The following CHCHD6 variants were observed in gnomAD, a reference collection of about 807,000 sequenced individuals.
CHCHD6 encodes coiled-coil-helix-coiled-coil-helix domain containing 6.
A neutral mutation model predicts 32.3 loss-of-function variants in CHCHD6; 28 were observed. The ratio of observed to expected loss-of-function variants is 0.87; its 90% CI spans 0.64 to 1.19. The LOEUF (loss-of-function observed/expected upper bound fraction) is 1.19. Ranked by LOEUF, CHCHD6 falls within the 50% of genes most tolerant of loss-of-function variation. The pLI is 0.00. For synonymous variants in CHCHD6, 122 were observed against 117.5 expected (o/e 1.04, Z -0.25); for missense variants, 333 against 307.0 (o/e 1.08, Z -0.63).
At chr3:126,804,329 GAA>G (rs1176967137) in intron 4 of CHCHD6, among the ~76,000 whole-genome samples, 1 of 150,826 alleles carries the variant, frequency 6.6e-6, no homozygotes, top group Non-Finnish European at 1.5e-5. Context: ...GACTAATAAA[GAA>G]AAAAAGAGAG....
chr3:126,821,075 C>T (rs906241835), intron 4 of CHCHD6, among the ~76,000 whole-genome samples: 9 of 152,150 alleles, frequency 5.9e-5, no homozygotes, highest in Admixed American at 2.0e-4. Context: ...TAAGGCCATA[C>T]AATATGTGGC....
chr3:126,837,255 C>A (rs1940897438), intron 4 of CHCHD6, among the ~76,000 whole-genome samples: 1 of 152,178 alleles, frequency 6.6e-6, no homozygotes, highest in African/African-American at 2.4e-5. Context: ...CTCTGTGCCT[C>A]ATTTTTCTTG....
intron 1 of CHCHD6, among the ~76,000 whole-genome samples, chr3:126,704,727 C>T (rs1021602924): frequency 2.0e-5 from 3 of 152,300 alleles, no homozygotes; most frequent in Middle Eastern, 3.4e-3. Flanking sequence ...CCTCCCAGCC[C>T]GTGGCCCCTC....
chr3:126,704,254 C>T lies in CHCHD6; in HGVS notation c.-59C>T. 7.1e-7 allele frequency: 1 copy of T among 1,406,932 alleles called. No homozygotes were observed. Among genetic ancestry groups the T allele is most frequent in the Non-Finnish European group, 9.9e-7 (1 of 1,006,878 alleles). 87.2% of individuals were successfully genotyped at this position (1,406,932 alleles called of 1,614,324 possible). ...GCGAGTCCTGGAAAGCGTTGTTGGC[C>T]CGGTTGCTCTGGAGCCGGGTCTCGG... is the stretch of plus-strand genomic sequence containing the variant. On this transcript the variant is annotated 5_prime_UTR_variant, in exon 1 of 8. Coordinates refer to ENST00000290913, the MANE Select transcript of CHCHD6 (RefSeq NM_032343.3).
chr3:126,806,948 A>T (rs1458917485), intron 4 of CHCHD6, among the ~76,000 whole-genome samples: 1 of 150,878 alleles, frequency 6.6e-6, no homozygotes, highest in Non-Finnish European at 1.5e-5. Flanking sequence ...TATCGCAAGG[A>T]CAAAAAACGA....
chr3:126,790,594 C>T (rs1373638599), intron 4 of CHCHD6, among the ~76,000 whole-genome samples: 2 of 152,156 alleles, frequency 1.3e-5, no homozygotes, highest in Non-Finnish European at 2.9e-5. Flanking sequence ...CATTGATACC[C>T]TTTCTTCCAG....
chr3:126,951,789 G>A (rs1177611990), intron 6 of CHCHD6, among the ~76,000 whole-genome samples: 3 of 152,222 alleles, frequency 2.0e-5, no homozygotes, highest in Non-Finnish European at 4.4e-5. Context: ...CTGCGACAAT[G>A]GCAGGGTGAC....
intron 6 of CHCHD6, among the ~76,000 whole-genome samples, chr3:126,937,525 G>C (rs777775752): frequency 6.6e-6 from 1 of 152,238 alleles, no homozygotes; most frequent in African/African-American, 2.4e-5. Flanking sequence ...AGTCTGATGG[G>C]TGACCTGGGC....
At chr3:126,825,411 T>TGGTTGTA (rs1940346321) in intron 4 of CHCHD6, among the ~76,000 whole-genome samples, 1 of 152,236 alleles carries the variant, frequency 6.6e-6, no homozygotes, top group Admixed American at 6.5e-5. Flanking sequence ...GTTGTAGTGT[T>TGGTTGTA]CTGTATATGT....
intron 4 of CHCHD6, among the ~76,000 whole-genome samples, chr3:126,761,425 A>G (rs1460855381): frequency 6.6e-6 from 1 of 152,144 alleles, no homozygotes; most frequent in African/African-American, 2.4e-5. Flanking sequence ...GTATAACTTC[A>G]TTTTAACTAA....
At chr3:126,866,727 A>C (rs1008171644) in intron 5 of CHCHD6, among the ~76,000 whole-genome samples, 1 of 152,184 alleles carries the variant, frequency 6.6e-6, no homozygotes, top group Non-Finnish European at 1.5e-5. Flanking sequence ...CCCAGACTTA[A>C]TGATTTTGTC....
At chr3:126,929,093 C>T (rs2078365709) in intron 6 of CHCHD6, among the ~76,000 whole-genome samples, 1 of 152,218 alleles carries the variant, frequency 6.6e-6, no homozygotes, top group South Asian at 2.1e-4. Context: ...AGTACCTGTG[C>T]ATGCAGCTGG....
At chr3:126,925,321 C>G (rs2078307234) in intron 6 of CHCHD6, among the ~76,000 whole-genome samples, 1 of 152,116 alleles carries the variant, frequency 6.6e-6, no homozygotes, top group African/African-American at 2.4e-5. Flanking sequence ...GAAGGCTGAC[C>G]AGAGGGTGGA....
At chr3:126,737,355 G>C (rs548154178) in intron 4 of CHCHD6, among the ~76,000 whole-genome samples, 2 of 143,400 alleles carry the variant, frequency 1.4e-5, no homozygotes, top group East Asian at 2.1e-4. Flanking sequence ...TTTCTTTGTT[G>C]CTGAGCAATT....
intron 4 of CHCHD6, among the ~76,000 whole-genome samples, chr3:126,802,776 GT>G (rs1373358702): frequency 7.2e-5 from 11 of 152,280 alleles, no homozygotes; most frequent in South Asian, 2.1e-4. Flanking sequence ...ATTCACCAAA[GT>G]TGAAATGAAT....
At chr3:126,889,657 C>T (rs1043821385) in intron 5 of CHCHD6, among the ~76,000 whole-genome samples, 3 of 152,246 alleles carry the variant, frequency 2.0e-5, no homozygotes, top group Admixed American at 6.5e-5. Context: ...CTTTATGATA[C>T]AGGAATCCTT....
intron 6 of CHCHD6, among the ~76,000 whole-genome samples, chr3:126,949,090 T>C (rs530050066): frequency 2.0e-4 from 30 of 152,340 alleles, no homozygotes; most frequent in African/African-American, 6.3e-4. Flanking sequence ...TCCTGCCTTA[T>C]AGCACTGCCA....
At chr3:126,949,485 CGTGG>C (rs2078684674) in intron 6 of CHCHD6, 1 of 197,138 alleles carries the variant, frequency 5.1e-6, no homozygotes, top group Non-Finnish European at 1.0e-5. Context: ...AGAGGTCTGC[CGTGG>C]ACGGAAGGGA....
At chr3:126,710,488 T>C (rs997454631) in intron 1 of CHCHD6, among the ~76,000 whole-genome samples, 1 of 152,220 alleles carries the variant, frequency 6.6e-6, no homozygotes, top group Non-Finnish European at 1.5e-5. Context: ...ACAGGGATTT[T>C]GATAGGATTT....
Sources: gnomAD v4.1 joint callset for allele counts (sites outside exome capture counted in the v4.1 genomes callset) on GRCh38, gnomAD v4.1.1 for gene constraint, MANE v1.5 for transcripts, NCBI Gene and HGNC (gene_info 2026-07-23, HGNC 2026-07-21) for gene names.